Variants in RPH3A observed in about 807,000 individuals in gnomAD.
RPH3A encodes the protein rabphilin-3A.
A neutral mutation model predicts 102.2 loss-of-function variants in RPH3A; 48 were observed. The observed-to-expected ratio is 0.47, with a 90% CI of 0.37 to 0.60. RPH3A has a LOEUF of 0.60. Ranked by LOEUF, RPH3A falls within the 20% of genes least tolerant of loss-of-function variation. The pLI, the probability that RPH3A is intolerant of heterozygous loss-of-function variation, is 0.00. For missense variants in RPH3A, 781 were observed against 910.1 expected (o/e 0.86, Z 1.83); for synonymous variants, 310 against 324.3 (o/e 0.96, Z 0.47).
chr12:112,725,268 A>AC (rs1423130983), intron 1 of RPH3A, among the ~76,000 whole-genome samples: 3 of 147,828 alleles, frequency 2.0e-5, no homozygotes, highest in Non-Finnish European at 3.0e-5. Flanking sequence ...AAAAAAAAAA[A>AC]AAAAAAAAAA....
intron 1 of RPH3A, among the ~76,000 whole-genome samples, chr12:112,723,470 A>T (rs997171071): frequency 1.3e-5 from 2 of 152,186 alleles, no homozygotes; most frequent in African/African-American, 4.8e-5. Context: ...ACGGTGGGCA[A>T]CTGCAGCTGC....
At chr12:112,657,640 G>A (rs528515173) in intron 1 of RPH3A, among the ~76,000 whole-genome samples, 9 of 152,168 alleles carry the variant, frequency 5.9e-5, no homozygotes, top group Non-Finnish European at 1.2e-4. Flanking sequence ...GATCACTATT[G>A]TAGGTTTTTG....
intron 1 of RPH3A, among the ~76,000 whole-genome samples, chr12:112,681,160 C>A (rs1468000184): frequency 6.6e-6 from 1 of 152,170 alleles, no homozygotes; most frequent in Non-Finnish European, 1.5e-5. Flanking sequence ...AACACCTCCA[C>A]CTCCCCAATG....
At chr12:112,887,958 A>C in intron 17 of RPH3A, 35 bp downstream of exon 17, 1 of 1,607,808 alleles carries the variant, frequency 6.2e-7, no homozygotes, top group South Asian at 1.1e-5. Flanking sequence ...TGATGGGAGG[A>C]GGGGAGATTG....
chr12:112,663,099 A>AGG (rs543621172), intron 1 of RPH3A, among the ~76,000 whole-genome samples: 173 of 141,904 alleles, frequency 1.2e-3, no homozygotes, highest in African/African-American at 4.6e-3. Context: ...AAAGAGAGAG[A>AGG]GAGAGAGCGA....
chr12:112,642,511 G>A (rs2039897863), intron 1 of RPH3A, among the ~76,000 whole-genome samples: 1 of 152,102 alleles, frequency 6.6e-6, no homozygotes, highest in South Asian at 2.1e-4. Context: ...AATTTAACTG[G>A]ACATCCTGTA....
At chr12:112,629,211 C>T (rs149378325) in intron 1 of RPH3A, among the ~76,000 whole-genome samples, 71 of 152,150 alleles carry the variant, frequency 4.7e-4, no homozygotes, top group African/African-American at 1.6e-3. Context: ...AAATGCTTCT[C>T]GGGAGGCCCC....
intron 1 of RPH3A, among the ~76,000 whole-genome samples, chr12:112,609,671 T>A (rs908157769): frequency 6.6e-6 from 1 of 152,204 alleles, no homozygotes; most frequent in Non-Finnish European, 1.5e-5. Context: ...TGTTCATTGC[T>A]GCATCCCCAG....
At chr12:112,826,840 G>A (rs1187330302) in intron 2 of RPH3A, among the ~76,000 whole-genome samples, 2 of 152,218 alleles carry the variant, frequency 1.3e-5, no homozygotes, top group Non-Finnish European at 2.9e-5. Flanking sequence ...GCTCTCTGTT[G>A]ATAGGCATTT....
At chr12:112,732,231 A>G (rs948458923) in intron 1 of RPH3A, among the ~76,000 whole-genome samples, 3 of 152,048 alleles carry the variant, frequency 2.0e-5, no homozygotes, top group Non-Finnish European at 2.9e-5. Flanking sequence ...GCCACTCTCT[A>G]TTACCTTGGC....
intron 1 of RPH3A, among the ~76,000 whole-genome samples, chr12:112,673,362 G>T (rs1265850861): frequency 1.3e-5 from 2 of 151,926 alleles, no homozygotes; most frequent in Non-Finnish European, 2.9e-5. Flanking sequence ...GTAGGGTCTT[G>T]CTCTGTTGCC....
intron 1 of RPH3A, among the ~76,000 whole-genome samples, chr12:112,765,878 T>G (rs2136069424): frequency 6.6e-6 from 1 of 152,300 alleles, no homozygotes; most frequent in East Asian, 1.9e-4. Flanking sequence ...TAGAGGTTGT[T>G]GCAGGAAACC....
chr12:112,871,129 T>C (rs2042701231), intron 10 of RPH3A, among the ~76,000 whole-genome samples: 1 of 152,212 alleles, frequency 6.6e-6, no homozygotes, highest in African/African-American at 2.4e-5. Context: ...CTTTTTCTTT[T>C]CTCTTCCAGA....
At chr12:112,632,325 A>C (rs2135986616) in intron 1 of RPH3A, among the ~76,000 whole-genome samples, 1 of 152,200 alleles carries the variant, frequency 6.6e-6, no homozygotes, top group Admixed American at 6.5e-5. Context: ...CCATTAAGTA[A>C]TTTCTCATCA....
intron 2 of RPH3A, among the ~76,000 whole-genome samples, chr12:112,800,858 A>G (rs1029060752): frequency 7.9e-5 from 12 of 152,210 alleles, no homozygotes; most frequent in Admixed American, 7.2e-4. Context: ...TTAAGAGACA[A>G]GAACCCAGCA....
rs1036770223 is a variant in RPH3A at position 112,897,873 on chromosome 12, G to C, written c.*1093G>C. ...GACTCTCTCATCCGTGGGCTCCCCG[G>C]GTGGGCACGGAGGCATTTAGAAGAC... On this transcript the variant is annotated 3_prime_UTR_variant, in exon 22 of 22. Coordinates refer to ENST00000389385, the MANE Select transcript of RPH3A (RefSeq NM_001143854.2). 2 of 152,228 alleles carry C rather than the reference G, an allele frequency of 1.3e-5. No individual in the cohort carries two copies. Among genetic ancestry groups the C allele is most frequent in the African/African-American group, 4.8e-5 (2 of 41,436 alleles). 9.4% of individuals were successfully genotyped at this position (152,228 alleles called of 1,614,324 possible). A position where few individuals can be genotyped will look rare whatever the true frequency, so the allele number is the denominator to read the frequency against.
intron 3 of RPH3A, among the ~76,000 whole-genome samples, chr12:112,831,471 T>C (rs1055181008): frequency 9.2e-5 from 14 of 152,126 alleles, no homozygotes; most frequent in African/African-American, 3.4e-4. Flanking sequence ...ATTCCGACCC[T>C]CCTTACCTAC....
chr12:112,833,818 C>T (rs960802823), intron 3 of RPH3A, among the ~76,000 whole-genome samples: 12 of 151,870 alleles, frequency 7.9e-5, no homozygotes, highest in Admixed American at 2.0e-4. Context: ...TAGCTTTGAC[C>T]GCCCAGGCTC....
chr12:112,586,577 G>A (rs902349323), intron 1 of RPH3A, among the ~76,000 whole-genome samples: 7 of 152,144 alleles, frequency 4.6e-5, no homozygotes, highest in Admixed American at 2.6e-4. Context: ...AATGAAGCTA[G>A]AGGGAGTGTG....
Sources: gnomAD v4.1 joint callset for allele counts (sites outside exome capture counted in the v4.1 genomes callset) on GRCh38, gnomAD v4.1.1 for gene constraint, MANE v1.5 for transcripts, NCBI Gene and HGNC (gene_info 2026-07-23, HGNC 2026-07-21) for gene names.